DOCK6: variants seen among roughly 807,000 people sequenced by gnomAD.
DOCK6 encodes the protein dedicator of cytokinesis 6.
In DOCK6, 167 loss-of-function variants were observed where a neutral mutation model predicts 230.3. The ratio of observed to expected loss-of-function variants is 0.73; its 90% CI spans 0.64 to 0.82. DOCK6 has a LOEUF of 0.82. Among genes scored for constraint, DOCK6 ranks in the 40% least tolerant of loss-of-function variants. The pLI, the probability that DOCK6 is intolerant of heterozygous loss-of-function variation, is 0.00. For synonymous variants in DOCK6, 1,148 were observed against 1,185.0 expected, an observed-to-expected ratio of 0.97 and a Z score of 0.64; for missense variants, 2,598 against 2,825.8, an observed-to-expected ratio of 0.92 and a Z score of 1.83.
rs751069856 is a variant in DOCK6 at position 11,243,889 on chromosome 19, G to A, written c.1024-7C>T. ...GCTGAAGCACCTTCTCCAACTGCGG[G>A]GCAGATGAATGAATCCAGTGAGGCG... On this transcript the variant is annotated splice_region_variant and splice_polypyrimidine_tract_variant and intron_variant, in intron 9 of 47. Transcript: ENST00000294618. The surrounding 1 kb of genome is among the most constrained non-coding windows in gnomAD (Gnocchi z 6.3). 1 of 1,604,458 alleles carries A rather than the reference G, an allele frequency of 6.2e-7. No individual in the cohort carries two copies. The highest frequency in any genetic ancestry group is 8.5e-7 in the Non-Finnish European group (1 of 1,175,728).
At position 11,204,296 on chromosome 19, in the gene DOCK6, C is replaced by T. The variant is rs1034646569; in HGVS notation, c.5124G>A (p.Lys1708=). ...GGGCTTCCAGGATGGGGATGAGGTT[C>T]TTGTAGACCTCATTCACCGCCTCGT... ...GLYEAVNEVY[K]NLIPILEAHR... is the part of the protein sequence containing the mutation. Residue 1708 remains lysine, a synonymous_variant, in exon 40 of 48, where the codon AAG becomes AAA. Coordinates refer to ENST00000294618, the MANE Select transcript of DOCK6 (RefSeq NM_020812.4). 17 of 1,610,388 alleles carry T rather than the reference C, an allele frequency of 1.1e-5. No homozygotes were observed. The highest frequency in any genetic ancestry group is 3.4e-4 in the Middle Eastern group (2 of 5,886).
rs770042344 is a variant in DOCK6 at position 11,201,906 on chromosome 19, C to A, written c.5671G>T (p.Val1891Leu). The A allele has an allele frequency of 3.5e-5, 55 of 1,576,442 alleles. No homozygotes were observed. Among genetic ancestry groups the A allele is most frequent in the Non-Finnish European group, 4.0e-5 (47 of 1,161,382 alleles). The change falls in exon 44 of 48, where the codon GTG (valine) becomes TTG (leucine). Residue 1891 changes from valine to leucine, a missense_variant. Val to Leu is a conservative substitution (Grantham distance 32). Coordinates refer to ENST00000294618, the MANE Select transcript of DOCK6 (RefSeq NM_020812.4). The surrounding 1 kb of genome is among the most constrained non-coding windows in gnomAD (Gnocchi z 4.3). ...CCACCCACCTCCTCCCGGTGGCACACACGGATGCGAGTCTTGATGTAGGGG... is the reference window on the plus strand; with the variant it reads ...CCACCCACCTCCTCCCGGTGGCACAAACGGATGCGAGTCTTGATGTAGGGG... ...AFPYIKTRIR[V>L]CHREETVLTP... is the part of the protein sequence containing the mutation.
Position 11,237,784 on chromosome 19 carries a change from C to T in DOCK6, c.1833-5G>A, listed in dbSNP as rs752839322. On this transcript the variant is annotated splice_polypyrimidine_tract_variant and splice_region_variant and intron_variant, in intron 16 of 47. Transcript: ENST00000294618. The stretch of plus-strand genomic sequence containing the variant: ...TCCTCGTAGAACTCGGGGGACCTGG[C>T]AGAATCGGGCTGGGGGATCTGCTGG... 3 of 1,562,860 alleles carry T rather than the reference C, an allele frequency of 1.9e-6. No individual in the cohort carries two copies. The highest frequency in any genetic ancestry group is 2.6e-6 in the Non-Finnish European group (3 of 1,154,080).
intron 24 of DOCK6, among the ~76,000 whole-genome samples, chr19:11,224,302 C>T (rs916269685): frequency 1.1e-4 from 17 of 151,372 alleles, no homozygotes; most frequent in Admixed American, 1.1e-3. Context: ...CCTCTGCCTC[C>T]TGGGTTCAAG....
chr19:11,245,650 A>G lies in DOCK6; in HGVS notation c.936T>C (p.His312=). 2 of 1,608,554 alleles carry G rather than the reference A, an allele frequency of 1.2e-6. No homozygotes were observed. The highest frequency in any genetic ancestry group is 1.7e-6 in the Non-Finnish European group (2 of 1,177,530). Residue 312 remains histidine (H), a synonymous_variant, in exon 9 of 48, where the codon CAT becomes CAC. Coordinates refer to ENST00000294618, the MANE Select transcript of DOCK6 (RefSeq NM_020812.4). ...SDSMKGLLRA[H]GTHPAISTLA... is the part of the protein sequence containing the mutation. Reference sequence around the variant, plus strand: ...GGGTGGAGATGGCAGGGTGGGTGCCATGAGCCCGAAGCAGCCCCTTCATGG... The same window carrying G: ...GGGTGGAGATGGCAGGGTGGGTGCCGTGAGCCCGAAGCAGCCCCTTCATGG...
chr19:11,219,817 A>G (rs1306783870), intron 28 of DOCK6, among the ~76,000 whole-genome samples: 3 of 151,838 alleles, frequency 2.0e-5, no homozygotes, highest in African/African-American at 7.3e-5. Context: ...ACTCTTAATC[A>G]TCAAAACAAC....
rs140027161 is a variant in DOCK6, at chr19:11,235,967, G to A, written c.2393-208C>T. The A allele has an allele frequency of 1.2e-3, 666 of 578,236 alleles. 5 individuals carry two copies. The African/African-American group carries it at 0.012, about 10-fold the overall frequency. The allele number at this position is 578,236 out of a possible 1,614,324, so 35.8% of individuals were successfully genotyped here. ...ATGATCTCGGCTCACTGTCACCTCC[G>A]CCTCCCAGGTTCAAGCAATTCTCCT... On this transcript the variant is annotated intron_variant, in intron 20 of 47. Coordinates refer to ENST00000294618, the MANE Select transcript of DOCK6 (RefSeq NM_020812.4).
At chr19:11,217,792 C>T (rs1241699031) in intron 28 of DOCK6, among the ~76,000 whole-genome samples, 2 of 151,350 alleles carry the variant, frequency 1.3e-5, no homozygotes, top group Non-Finnish European at 2.9e-5. Context: ...TCCCTCACAA[C>T]AGTCCCCAAG....
chr19:11,201,430 T>G lies in DOCK6; in HGVS notation c.5689-378A>C, dbSNP rs778257209. Among the ~76,000 whole-genome samples, 8 of 151,932 alleles carry G rather than the reference T, an allele frequency of 5.3e-5. No individual in the cohort carries two copies. The highest frequency in any genetic ancestry group is 1.2e-4 in the Non-Finnish European group (8 of 67,946). ...TCCCTGGGCTTCTCCTCCCTGGGCC[T>G]TCTTAGATTTGGAGTCCCTGTGCCT... On this transcript the variant is annotated intron_variant, in intron 44 of 47. Coordinates refer to ENST00000294618, the MANE Select transcript of DOCK6 (RefSeq NM_020812.4). This position sits in a 1 kb window ranked among gnomAD's most constrained non-coding sequence, Gnocchi z 4.3.
Position 11,243,603 on chromosome 19 carries a change from G to T in DOCK6, c.1212C>A (p.Ile404=), listed in dbSNP as rs753623253. 1 of 1,610,994 alleles carries T rather than the reference G, an allele frequency of 6.2e-7. No individual in the cohort carries two copies. The part of the protein sequence containing the change: ...FAWTAVHLAN[I]VSSAGQLDRD... ...GGTCCAGCTGCCCAGCGCTGCTCAC[G>T]ATGTTGGCCAAGTGCACGGCCGTCC... Residue 404 remains isoleucine (I), a synonymous_variant, in exon 11 of 48, where the codon ATC becomes ATA. Transcript: ENST00000294618. The surrounding 1 kb of genome is among the most constrained non-coding windows in gnomAD (Gnocchi z 6.3).
rs895891269 is a variant in DOCK6, at chr19:11,252,313, T to C, written c.378-65A>G. The stretch of plus-strand genomic sequence containing the variant: ...GGCCCCCAGGGGGTCCCCAGTGTGT[T>C]CTGACACACCTACATGGCACCTTCA... On this transcript the variant is annotated intron_variant, in intron 4 of 47. Coordinates refer to ENST00000294618, the MANE Select transcript of DOCK6 (RefSeq NM_020812.4). 33 of 1,564,668 alleles carry C rather than the reference T, an allele frequency of 2.1e-5. No homozygotes were observed. The Admixed American group carries it at 4.0e-4, about 19-fold the overall frequency.
intron 32 of DOCK6, 98 bp from the exon 33 acceptor site, chr19:11,214,747 T>C: frequency 3.9e-6 from 4 of 1,030,160 alleles, no homozygotes; most frequent in South Asian, 1.4e-5. Context: ...GGGCACTGGC[T>C]CCCTGGAAGC....
chr19:11,237,860 T>G (rs2079876650), intron 16 of DOCK6, 81 bp from the exon 17 acceptor site: 1 of 1,468,436 alleles, frequency 6.8e-7, no homozygotes, highest in Non-Finnish European at 9.3e-7. Context: ...GCCACGCCCT[T>G]ATTGCTGCTA....
At chr19:11,253,778 G>A in intron 1 of DOCK6, 52 bp from the exon 2 acceptor site, 1 of 1,240,320 alleles carries the variant, frequency 8.1e-7, no homozygotes, top group Non-Finnish European at 1.1e-6. Context: ...AGGCAGCGGA[G>A]CGGACAGATT....
In DOCK6 at chr19:11,202,097, G is replaced by A. The variant is rs750610623; in HGVS notation, c.5480C>T (p.Pro1827Leu). Reference sequence around the variant, plus strand: ...CTTGAGCTCGTAGGTATCAAAGTACGGTTCCACATACGTGATCTGGATGTA... The same window carrying A: ...CTTGAGCTCGTAGGTATCAAAGTACAGTTCCACATACGTGATCTGGATGTA... Reference protein sequence around the residue: ...KAYIQITYVEPYFDTYELKDR... With the variant: ...KAYIQITYVELYFDTYELKDR... The change falls in exon 44 of 48, where the codon CCG becomes CTG. Residue 1827 changes from proline (P) to leucine (L), a missense_variant. Transcript: ENST00000294618. This position sits in a 1 kb window ranked among gnomAD's most constrained non-coding sequence, Gnocchi z 5.3. 5.0e-6 allele frequency: 8 copies of A among 1,613,886 alleles called. No homozygotes were observed. In the African/African-American group the frequency reaches 5.3e-5, roughly 11 times the overall value.
At chr19:11,233,423 T>G in intron 21 of DOCK6, 57 bp from the exon 22 acceptor site, 1 of 1,575,134 alleles carries the variant, frequency 6.3e-7, no homozygotes, top group South Asian at 1.1e-5. Context: ...TGCCTCCCAG[T>G]CCCTTCCTAC....
intron 28 of DOCK6, among the ~76,000 whole-genome samples, chr19:11,218,806 G>A (rs1329363177): frequency 6.7e-6 from 1 of 148,626 alleles, no homozygotes; most frequent in African/African-American, 2.5e-5. Flanking sequence ...TGTGCCAGAT[G>A]CTGTTCTAAG....
At chr19:11,213,419 G>A in intron 34 of DOCK6, 91 bp from the exon 35 acceptor site, 1 of 1,513,728 alleles carries the variant, frequency 6.6e-7, no homozygotes, top group Non-Finnish European at 8.9e-7. Flanking sequence ...CTTGGGCAGG[G>A]GTTTGTGTTC....
At position 11,215,613 on chromosome 19, in the gene DOCK6, G is replaced by A. The variant is rs532667116; in HGVS notation, c.4022-142C>T. On this transcript the variant is annotated intron_variant, in intron 31 of 47. Transcript: ENST00000294618. ...TGGAGCAGAAGCCTGCCGGGTGGAC[G>A]CACAGGGGCAAACACGAGTGACAGA... 146 of 1,271,212 alleles carry A rather than the reference G, an allele frequency of 1.1e-4. 1 individual carries two copies. The South Asian group carries it at 1.3e-3, about 11-fold the overall frequency. 78.7% of individuals were successfully genotyped at this position (1,271,212 alleles called of 1,614,324 possible).
Sources: allele counts gnomAD v4.1 joint callset (sites outside exome capture counted in the v4.1 genomes callset), GRCh38; gene constraint gnomAD v4.1.1; non-coding constraint Gnocchi (gnomAD v3.1); transcripts MANE v1.5; gene names NCBI Gene and HGNC (gene_info 2026-07-23, HGNC 2026-07-21).